ZFAND4: variants seen among roughly 807,000 people sequenced by gnomAD.
ZFAND4 encodes the protein zinc finger AN1-type containing 4.
ZFAND4 carries 43 observed loss-of-function variants against 64.4 expected under a neutral mutation model. That is an observed-to-expected ratio of 0.67 (90% CI 0.52 to 0.86). The LOEUF (loss-of-function observed/expected upper bound fraction) is 0.86, where lower values mean the gene tolerates loss of function less well. ZFAND4 is among the 40% of genes least tolerant of loss of function. The probability of loss-of-function intolerance (pLI) is 0.00; values close to 1 mark genes in which losing one functional copy is unlikely to be tolerated. For missense variants in ZFAND4, 929 were observed against 859.8 expected, an observed-to-expected ratio of 1.08 and a Z score of -1.01; for synonymous variants, 296 against 305.7, an observed-to-expected ratio of 0.97 and a Z score of 0.33.
At position 45,653,190 on chromosome 10, in the gene ZFAND4, G is replaced by A. The variant is rs945787616; in HGVS notation, c.185-131C>T. The A allele has an allele frequency of 3.4e-5, 22 of 655,504 alleles. No homozygotes were observed. In the African/African-American group the frequency reaches 3.7e-4, roughly 11 times the overall value. 40.6% of individuals were successfully genotyped at this position (655,504 alleles called of 1,614,324 possible). On this transcript the variant is annotated intron_variant, in intron 2 of 9. Coordinates refer to ENST00000344646, the MANE Select transcript of ZFAND4 (RefSeq NM_174890.4). The stretch of plus-strand genomic sequence containing the variant: ...AAACATTCTTCTAAATTGAATGCTA[G>A]GTGCTAAAATTTACAGAATCATAGG...
In ZFAND4 at chr10:45,616,480, C is replaced by T. The variant is rs759964148; in HGVS notation, c.2140G>A (p.Glu714Lys). Residue 714 changes from glutamate to lysine, a missense_variant, in exon 10 of 10, where the codon GAG (glutamate) becomes AAG (lysine). Glu to Lys is a moderately conservative substitution (Grantham distance 56, BLOSUM62 1). Coordinates refer to ENST00000344646, the MANE Select transcript of ZFAND4 (RefSeq NM_174890.4). Reference protein sequence around the residue: ...YKSAGRRYLHEANPVVNAPKL... With the variant: ...YKSAGRRYLHKANPVVNAPKL... Reference sequence around the variant, plus strand: ...GGTGCATTAACCACAGGATTTGCCTCGTGCAAGTATCTCCTCCCTGCACTC... The same window carrying T: ...GGTGCATTAACCACAGGATTTGCCTTGTGCAAGTATCTCCTCCCTGCACTC... 12 of 1,614,054 alleles carry T rather than the reference C, an allele frequency of 7.4e-6. No individual in the cohort carries two copies. Among genetic ancestry groups the T allele is most frequent in the Non-Finnish European group, 5.9e-6 (7 of 1,180,038 alleles).
At chr10:45,662,031 C>A (rs1208604464) in intron 2 of ZFAND4, among the ~76,000 whole-genome samples, 1 of 152,022 alleles carries the variant, frequency 6.6e-6, no homozygotes, top group Non-Finnish European at 1.5e-5. Context: ...CCAGAACCTG[C>A]CCATGCTGGT....
At chr10:45,667,738 G>A (rs1296769555) in intron 1 of ZFAND4, among the ~76,000 whole-genome samples, 1 of 152,074 alleles carries the variant, frequency 6.6e-6, no homozygotes, top group Non-Finnish European at 1.5e-5. Flanking sequence ...CAAAGAGCTG[G>A]GATTACAGGC....
At chr10:45,667,542 T>C (rs1315985291) in intron 1 of ZFAND4, among the ~76,000 whole-genome samples, 3 of 150,492 alleles carry the variant, frequency 2.0e-5, no homozygotes, top group African/African-American at 7.3e-5. Flanking sequence ...GATCTCCGCT[T>C]ATTGTAACCT....
At chr10:45,633,651 TA>T (rs908654021) in intron 6 of ZFAND4, among the ~76,000 whole-genome samples, 46 of 145,416 alleles carry the variant, frequency 3.2e-4, no homozygotes, top group Admixed American at 5.5e-4. Flanking sequence ...AAATTTTCTT[TA>T]AAAAAAAAAA....
chr10:45,631,313 C>T (rs78767800), intron 6 of ZFAND4, among the ~76,000 whole-genome samples: 1 of 132,518 alleles, frequency 7.5e-6, no homozygotes, highest in Non-Finnish European at 1.7e-5. Context: ...CAAGACTCCG[C>T]CCCCCAAAAA....
intron 8 of ZFAND4, among the ~76,000 whole-genome samples, 164 bp from the exon 9 acceptor site, chr10:45,618,424 C>T (rs1457837814): frequency 3.9e-5 from 6 of 152,314 alleles, no homozygotes; most frequent in Admixed American, 6.5e-5. Context: ...ATCTACAGGT[C>T]AAGTTGCAGT....
intron 5 of ZFAND4, chr10:45,640,272 C>A: frequency 8.1e-7 from 1 of 1,229,424 alleles, no homozygotes; most frequent in South Asian, 1.5e-5. Flanking sequence ...AAATCCATTT[C>A]CATGAGAATG....
chr10:45,654,711 A>C (rs1173099807), intron 2 of ZFAND4, among the ~76,000 whole-genome samples: 3 of 152,158 alleles, frequency 2.0e-5, no homozygotes, highest in South Asian at 2.1e-4. Context: ...AGCTATTCTT[A>C]TATCAGAGAA....
Position 45,626,077 on chromosome 10 carries a change from T to C in ZFAND4, c.1746A>G (p.Leu582=). 6.2e-7 allele frequency: 1 copy of C among 1,614,098 alleles called. No homozygotes were observed. The highest frequency in any genetic ancestry group is 8.5e-7 in the Non-Finnish European group (1 of 1,180,024). Residue 582 remains leucine (L), a synonymous_variant, in exon 7 of 10, where the codon TTA becomes TTG. Coordinates refer to ENST00000344646, the MANE Select transcript of ZFAND4 (RefSeq NM_174890.4). The part of the protein sequence containing the change: ...SLAGSTSRNR[L]QSTRGAGRLQ... ...GCCTGCCTGCCCCACGTGTGCTCTG[T>C]AATCTATTTCTGCTTGTGCTCCCGG...
At position 45,616,434 on chromosome 10, in the gene ZFAND4, A is replaced by T. The variant is rs920597763; in HGVS notation, c.*2T>A. The stretch of plus-strand genomic sequence containing the variant: ...GCAGAACAGTAAGATGTAGAGGAAG[A>T]GTTAGATTTTTGGAAGCTTTGGTGC... On this transcript the variant is annotated 3_prime_UTR_variant, in exon 10 of 10. Transcript: ENST00000344646. 1 of 1,613,990 alleles carries T rather than the reference A, an allele frequency of 6.2e-7. No homozygotes were observed. Among genetic ancestry groups the T allele is most frequent in the Non-Finnish European group, 8.5e-7 (1 of 1,179,986 alleles).
At chr10:45,624,250 A>C (rs1028110642) in intron 8 of ZFAND4, among the ~76,000 whole-genome samples, 2 of 152,234 alleles carry the variant, frequency 1.3e-5, no homozygotes, top group African/African-American at 4.8e-5. Flanking sequence ...TTTCTAGGGT[A>C]ATTCTTCAAA....
At chr10:45,630,307 G>A (rs2046115697) in intron 6 of ZFAND4, among the ~76,000 whole-genome samples, 1 of 152,102 alleles carries the variant, frequency 6.6e-6, no homozygotes, top group South Asian at 2.1e-4. Flanking sequence ...AGTAATAGGA[G>A]GATACGAAAT....
chr10:45,629,858 A>T (rs529818993), intron 6 of ZFAND4, among the ~76,000 whole-genome samples: 1 of 152,176 alleles, frequency 6.6e-6, no homozygotes, highest in South Asian at 2.1e-4. Context: ...GCAAGACCCC[A>T]TGTCAAAAAA....
Position 45,616,313 on chromosome 10 carries a change from G to T in ZFAND4, c.*123C>A. 1 of 1,250,454 alleles carries T rather than the reference G, an allele frequency of 8.0e-7. No individual in the cohort carries two copies. The highest frequency in any genetic ancestry group is 1.1e-6 in the Non-Finnish European group (1 of 899,442). The allele number at this position is 1,250,454 out of a possible 1,614,324, so 77.5% of individuals were successfully genotyped here. ...TAGCATTCTTGTTCTCCAACAGTAT[G>T]CATTGTATGCTTTTGTTATTTGGCA... On this transcript the variant is annotated 3_prime_UTR_variant, in exon 10 of 10. Transcript: ENST00000344646.
intron 8 of ZFAND4, among the ~76,000 whole-genome samples, chr10:45,623,799 C>T (rs909799268): frequency 6.6e-6 from 1 of 152,026 alleles, no homozygotes; most frequent in Admixed American, 6.6e-5. Context: ...TACCACAGTA[C>T]AAAATAATTG....
intron 7 of ZFAND4, among the ~76,000 whole-genome samples, chr10:45,625,459 G>C (rs561565262): frequency 5.5e-4 from 75 of 136,740 alleles, no homozygotes; most frequent in African/African-American, 1.6e-3. Flanking sequence ...GGGTGAAAGA[G>C]CGAGACTCCG....
intron 6 of ZFAND4, among the ~76,000 whole-genome samples, chr10:45,627,380 G>A (rs1206617488): frequency 6.6e-6 from 1 of 151,626 alleles, no homozygotes; most frequent in Non-Finnish European, 1.5e-5. Flanking sequence ...AAAATGAACT[G>A]ATTATATTAG....
intron 6 of ZFAND4, among the ~76,000 whole-genome samples, chr10:45,634,431 A>C (rs1417756646): frequency 6.6e-6 from 1 of 151,534 alleles, no homozygotes; most frequent in Non-Finnish European, 1.5e-5. Flanking sequence ...CGGGAAGCTG[A>C]GGGAGGAGAA....
Sources: allele counts gnomAD v4.1 joint callset (sites outside exome capture counted in the v4.1 genomes callset), GRCh38; gene constraint gnomAD v4.1.1; transcripts MANE v1.5; gene names NCBI Gene and HGNC (gene_info 2026-07-23, HGNC 2026-07-21).